Variants in NRG1 observed in about 807,000 individuals in gnomAD.
NRG1 encodes neuregulin 1.
In NRG1, 18 loss-of-function variants were observed where a neutral mutation model predicts 63.8. That is an observed-to-expected ratio of 0.28 (90% confidence interval 0.19 to 0.42). NRG1 has a LOEUF of 0.42. Ranked by LOEUF, NRG1 falls within the 10% of genes least tolerant of loss-of-function variation. NRG1 has a pLI of 1.00. For synonymous variants in NRG1, 302 were observed against 301.3 expected (o/e 1.00, Z -0.02); for missense variants, 762 against 814.7 (o/e 0.94, Z 0.79).
At chr8:31,693,480 A>G (rs1033536072) in intron 1 of NRG1, among the ~76,000 whole-genome samples, 1 of 146,990 alleles carries the variant, frequency 6.8e-6, no homozygotes, top group Non-Finnish European at 1.5e-5. Flanking sequence ...TTTTACAGTT[A>G]TTTCTCTAAA....
At chr8:31,951,663 G>A (rs1803484712) in intron 1 of NRG1, among the ~76,000 whole-genome samples, 1 of 152,198 alleles carries the variant, frequency 6.6e-6, no homozygotes, top group Non-Finnish European at 1.5e-5. Flanking sequence ...CTGATGAATT[G>A]ATGAGGGAAA....
Position 31,699,001 on chromosome 8 carries a change from C to T in NRG1, c.37+59570C>T, listed in dbSNP as rs140420586. 2.8e-3 allele frequency among the ~76,000 whole-genome samples: 434 copies of T among 152,312 alleles called. 3 individuals carry two copies. Among genetic ancestry groups the T allele is most frequent in the African/African-American group, 9.4e-3 (391 of 41,572 alleles). ...CTAAATGTGGAAAAATCAGTCTTCT[C>T]ATTGGTTAGGACCCACTGACTTCCG... On this transcript the variant is annotated intron_variant, in intron 1 of 10. Transcript: ENST00000519301.
chr8:31,646,279 A>T (rs1230366778), intron 1 of NRG1, among the ~76,000 whole-genome samples: 4 of 152,220 alleles, frequency 2.6e-5, no homozygotes, highest in African/African-American at 9.6e-5. Flanking sequence ...ATCCGGAGCT[A>T]GTAGCCAGGT....
chr8:32,032,014 TTAGA>T (rs892928612), intron 1 of NRG1, among the ~76,000 whole-genome samples: 4 of 152,036 alleles, frequency 2.6e-5, no homozygotes, highest in African/African-American at 9.7e-5. Context: ...ATTTCTGGTT[TTAGA>T]TATCACAACA....
At chr8:31,932,016 C>T (rs1359338838) in intron 1 of NRG1, among the ~76,000 whole-genome samples, 1 of 152,180 alleles carries the variant, frequency 6.6e-6, no homozygotes, top group Non-Finnish European at 1.5e-5. Context: ...GTGGCATTTA[C>T]ACCTGCAGCT....
chr8:32,670,902 G>A (rs1805473964), intron 5 of NRG1, among the ~76,000 whole-genome samples: 1 of 152,120 alleles, frequency 6.6e-6, no homozygotes, highest in African/African-American at 2.4e-5. Flanking sequence ...GTTGTGCCCT[G>A]TAAATGTATA....
intron 1 of NRG1, among the ~76,000 whole-genome samples, chr8:32,470,962 T>C (rs1420772560): frequency 1.3e-5 from 2 of 152,176 alleles, no homozygotes; most frequent in Admixed American, 1.3e-4. Flanking sequence ...CATGCGTGGC[T>C]AATTTCTAAA....
intron 1 of NRG1, among the ~76,000 whole-genome samples, chr8:32,446,999 T>TTTTATTTATTTATTTA (rs67102016): frequency 0.02 from 2,855 of 146,368 alleles, 46 homozygotes; most frequent in East Asian, 0.025. Flanking sequence ...CTAAAATACT[T>TTTTATTTATTTATTTA]TTTATTTATT....
chr8:31,803,596 T>A (rs1821998469), intron 1 of NRG1, among the ~76,000 whole-genome samples: 1 of 152,178 alleles, frequency 6.6e-6, no homozygotes, highest in African/African-American at 2.4e-5. Context: ...ATGTAAATAA[T>A]CTTAGAGCTG....
chr8:32,222,046 C>T (rs1184659794), intron 1 of NRG1, among the ~76,000 whole-genome samples: 5 of 151,968 alleles, frequency 3.3e-5, no homozygotes, highest in African/African-American at 1.2e-4. Flanking sequence ...CACACACACA[C>T]ACACACACAC....
chr8:32,143,406 A>AAT (rs1836514331), intron 1 of NRG1, among the ~76,000 whole-genome samples: 4 of 152,186 alleles, frequency 2.6e-5, no homozygotes, highest in Non-Finnish European at 4.4e-5. Flanking sequence ...GAATAATAAA[A>AAT]GTTGTACAAA....
chr8:32,624,952 A>G (rs1442307801), intron 5 of NRG1, among the ~76,000 whole-genome samples: 2 of 152,168 alleles, frequency 1.3e-5, no homozygotes, highest in African/African-American at 4.8e-5. Context: ...TTCAATTTGG[A>G]AAGAAAAAGA....
rs1442004950 is a variant in NRG1, at chr8:32,027,454, TTCCTTCCTTCCTTCCCTCCC to T, written c.37+388027_37+388046del. ...CTTCCTTCCTTCCTTCCTTCCTTCC[TTCCTTCCTTCCTTCCCTCCC>T]TCCCTCCCTCCCTAATCTAGGAGGA... On this transcript the variant is annotated intron_variant, in intron 1 of 10. Coordinates refer to the NRG1 transcript ENST00000519301. 7.8e-5 allele frequency among the ~76,000 whole-genome samples: 8 copies of T among 102,640 alleles called. No individual in the cohort carries two copies. The South Asian group carries it at 1.3e-3, about 17-fold the overall frequency. The allele number at this position is 102,640 out of a possible 152,430, so 67.3% of individuals were successfully genotyped here.
upstream of NRG1, among the ~76,000 whole-genome samples, chr8:32,544,499 A>G (rs1832874769): frequency 6.8e-6 from 1 of 147,854 alleles, no homozygotes; most frequent in Non-Finnish European, 1.5e-5. Context: ...TTATTTATTT[A>G]TTTATTTATT....
chr8:32,470,260 A>G (rs915419798), intron 1 of NRG1, among the ~76,000 whole-genome samples: 3 of 148,352 alleles, frequency 2.0e-5, no homozygotes, highest in Non-Finnish European at 3.0e-5. Flanking sequence ...GGCTCACTGC[A>G]AGCTCCGCCT....
intron 1 of NRG1, among the ~76,000 whole-genome samples, chr8:31,716,458 A>C (rs1006228980): frequency 1.3e-5 from 2 of 152,238 alleles, no homozygotes; most frequent in Non-Finnish European, 2.9e-5. Flanking sequence ...ATATGTGCTT[A>C]ATAGCAATTA....
rs1340569369 is a variant in NRG1, at chr8:32,742,186, G to C, written c.633-489G>C. The C allele has an allele frequency of 1.1e-5, 10 of 884,666 alleles. No homozygotes were observed. The highest frequency in any genetic ancestry group is 1.7e-5 in the African/African-American group (1 of 60,094). The allele number at this position is 884,666 out of a possible 1,614,324, so 54.8% of individuals were successfully genotyped here. ...ACTGATTCATTTTGTTCTAATTATG[G>C]CTTAACCTCTCAAGGCATAAACCCA... On this transcript the variant is annotated intron_variant, in intron 6 of 11. Coordinates refer to ENST00000356819, the Ensembl canonical transcript of NRG1. The surrounding 1 kb of genome is among the most constrained non-coding windows in gnomAD (Gnocchi z 4.2).
chr8:31,639,727 T>C, intron 1 of NRG1: 1 of 1,371,274 alleles, frequency 7.3e-7, no homozygotes, highest in Non-Finnish European at 9.3e-7. Flanking sequence ...GCGGCAGCGG[T>C]TTTTTTGCCT....
At chr8:32,057,264 G>GCTAC (rs1823102014) in intron 1 of NRG1, among the ~76,000 whole-genome samples, 1 of 152,090 alleles carries the variant, frequency 6.6e-6, no homozygotes, top group African/African-American at 2.4e-5. Context: ...GAATTCTGAA[G>GCTAC]CTACAACTGT....
Sources: allele counts gnomAD v4.1 joint callset (sites outside exome capture counted in the v4.1 genomes callset), GRCh38; gene constraint gnomAD v4.1.1; non-coding constraint Gnocchi (gnomAD v3.1); transcripts MANE v1.5; gene names NCBI Gene and HGNC (gene_info 2026-07-23, HGNC 2026-07-21).